COL5A2: variants seen among roughly 807,000 people sequenced by gnomAD.
The protein encoded by COL5A2 is collagen type V alpha 2 chain.
A neutral mutation model predicts 208.2 loss-of-function variants in COL5A2; 23 were observed. The observed-to-expected ratio is 0.11, with a 90% CI of 0.08 to 0.16. The LOEUF is 0.16. Ranked by LOEUF, COL5A2 falls within the 10% of genes least tolerant of loss-of-function variation. COL5A2 has a pLI of 1.00. For synonymous variants in COL5A2, 625 were observed against 628.5 expected (o/e 0.99, Z 0.08); for missense variants, 1,590 against 1,956.4 (o/e 0.81, Z 3.53).
chr2:189,147,091 A>T (rs1009497544), intron 1 of COL5A2, among the ~76,000 whole-genome samples: 1 of 152,196 alleles, frequency 6.6e-6, no homozygotes, highest in African/African-American at 2.4e-5. Flanking sequence ...TTATTGGGGT[A>T]ATACTAAAAG....
chr2:189,420,015 G>A, the COL5A2 span, among the ~76,000 whole-genome samples: 1 of 136,998 alleles, frequency 7.3e-6, no homozygotes, highest in Non-Finnish European at 1.6e-5. Flanking sequence ...AGGAGGAGGA[G>A]ATGAGAGGAG....
the COL5A2 span, among the ~76,000 whole-genome samples, chr2:189,297,221 T>C: frequency 6.6e-6 from 1 of 152,250 alleles, no homozygotes; most frequent in African/African-American, 2.4e-5. Context: ...TACAAGCTAC[T>C]GCACCACTAC....
the COL5A2 span, among the ~76,000 whole-genome samples, chr2:189,270,366 G>C: frequency 6.6e-6 from 1 of 152,008 alleles, no homozygotes; most frequent in African/African-American, 2.4e-5. Flanking sequence ...TCTCTTGTGG[G>C]CTATAAATTA....
the COL5A2 span, among the ~76,000 whole-genome samples, chr2:189,270,013 T>G: frequency 1.3e-5 from 2 of 152,348 alleles, no homozygotes; most frequent in East Asian, 3.9e-4. Context: ...TTTTCTAGTT[T>G]ATTTGCATAG....
intron 3 of COL5A2, among the ~76,000 whole-genome samples, chr2:189,101,881 T>C (rs1318432603): frequency 6.6e-6 from 1 of 152,000 alleles, no homozygotes; most frequent in African/African-American, 2.4e-5. Context: ...ACACAAAGCC[T>C]AGGACAAGAA....
intron 1 of COL5A2, among the ~76,000 whole-genome samples, chr2:189,224,620 C>T (rs1336024276): frequency 6.6e-6 from 1 of 151,814 alleles, no homozygotes; most frequent in Non-Finnish European, 1.5e-5. Flanking sequence ...ACACAAAAGG[C>T]GGAGGTTGAA....
chr2:189,411,746 A>G, the COL5A2 span, among the ~76,000 whole-genome samples: 1 of 152,162 alleles, frequency 6.6e-6, no homozygotes, highest in Non-Finnish European at 1.5e-5. Context: ...GATTTTTTTT[A>G]AAAAGCACAT....
the COL5A2 span, among the ~76,000 whole-genome samples, chr2:189,269,140 T>C: frequency 1.1e-3 from 162 of 152,242 alleles, 1 homozygote; most frequent in African/African-American, 3.8e-3. Flanking sequence ...CATTATGTGA[T>C]TAGAAAACAG....
At chr2:189,071,172 C>T (rs1686265789) in intron 18 of COL5A2, among the ~76,000 whole-genome samples, 1 of 152,194 alleles carries the variant, frequency 6.6e-6, no homozygotes, top group Admixed American at 6.5e-5. Context: ...GATGGTGTCA[C>T]ATAATCCTCA....
At chr2:189,074,256 C>G (rs574392614) in intron 17 of COL5A2, among the ~76,000 whole-genome samples, 8 of 152,026 alleles carry the variant, frequency 5.3e-5, no homozygotes, top group Admixed American at 5.2e-4. Flanking sequence ...GAAAAGAGCT[C>G]AAAAACCCTT....
At position 189,064,558 on chromosome 2, in the gene COL5A2, C is replaced by T. The variant is rs760408439; in HGVS notation, c.1715G>A (p.Arg572Gln). 84 of 1,612,036 alleles carry T rather than the reference C, an allele frequency of 5.2e-5. No individual in the cohort carries two copies. Among genetic ancestry groups the T allele is most frequent in the Non-Finnish European group, 6.7e-5 (79 of 1,178,408 alleles). ...RPGEPGLPGA[R>Q]GLTGNPGVQG... Reference sequence around the variant, plus strand: ...AGCAAACACTTGCTATATTCTTACCCGAGCACCTGGAAGCCCAGGTTCCCC... The same window carrying T: ...AGCAAACACTTGCTATATTCTTACCTGAGCACCTGGAAGCCCAGGTTCCCC... The change falls in exon 25 of 54, where the codon CGG (arginine) becomes CAG (glutamine). Residue 572 changes from arginine to glutamine, a missense_variant and splice_region_variant. By Grantham distance (43) the Arg-to-Gln change is conservative (BLOSUM62 1). Transcript: ENST00000374866.
Position 189,088,771 on chromosome 2 carries a change from G to A in COL5A2, c.569C>T (p.Pro190Leu), listed in dbSNP as rs774969990. The change falls in exon 8 of 54, where the codon CCG becomes CTG. Residue 190 changes from proline (P) to leucine (L), a missense_variant and splice_region_variant. Pro to Leu is a moderately conservative substitution (Grantham distance 98, BLOSUM62 -3). Coordinates refer to ENST00000374866, the MANE Select transcript of COL5A2 (RefSeq NM_000393.5). ...SHPGPDGLSRPFSAQMAGLDE... is the reference protein window; with the variant it reads ...SHPGPDGLSRLFSAQMAGLDE... The stretch of plus-strand genomic sequence containing the variant: ...CAACCCAGCCATTTGAGCTGAAAAC[G>A]GCTGTAAAAGCGATATGTTGACATT... The A allele has an allele frequency of 7.4e-6, 12 of 1,613,452 alleles. No homozygotes were observed. The highest frequency in any genetic ancestry group is 4.5e-5 in the East Asian group (2 of 44,852).
At chr2:189,310,826 G>A in the COL5A2 span, among the ~76,000 whole-genome samples, 1 of 152,062 alleles carries the variant, frequency 6.6e-6, no homozygotes, top group African/African-American at 2.4e-5. Flanking sequence ...ACCAGGCACA[G>A]AAAGACAAAC....
the COL5A2 span, among the ~76,000 whole-genome samples, chr2:189,390,578 A>C: frequency 6.6e-6 from 1 of 152,194 alleles, no homozygotes; most frequent in African/African-American, 2.4e-5. Flanking sequence ...TTAGGTTATG[A>C]GATAAAGGCA....
the COL5A2 span, among the ~76,000 whole-genome samples, chr2:189,392,500 C>T: frequency 2.6e-5 from 4 of 152,212 alleles, no homozygotes; most frequent in Admixed American, 2.0e-4. Flanking sequence ...AAGTAAAGAA[C>T]GTTCCTTTCT....
chr2:189,189,142 A>G (rs1378206769), intron 1 of COL5A2, among the ~76,000 whole-genome samples: 1 of 152,208 alleles, frequency 6.6e-6, no homozygotes, highest in African/African-American at 2.4e-5. Context: ...TGAATGAAAT[A>G]ATTGCACTAG....
chr2:189,337,969 G>A, the COL5A2 span, among the ~76,000 whole-genome samples: 1 of 152,184 alleles, frequency 6.6e-6, no homozygotes, highest in Non-Finnish European at 1.5e-5. Flanking sequence ...AAGCAACTTG[G>A]CTGAAAGATC....
chr2:189,333,395 G>A, the COL5A2 span, among the ~76,000 whole-genome samples: 3 of 152,124 alleles, frequency 2.0e-5, no homozygotes, highest in Non-Finnish European at 4.4e-5. Context: ...AAAGCTTGTA[G>A]ATATTAAAAG....
At chr2:189,146,522 A>G (rs954134078) in intron 1 of COL5A2, among the ~76,000 whole-genome samples, 2 of 152,074 alleles carry the variant, frequency 1.3e-5, no homozygotes, top group South Asian at 4.1e-4. Context: ...AGGTTGTATC[A>G]TGGGTGCCCA....
Sources: gnomAD v4.1 joint callset for allele counts (sites outside exome capture counted in the v4.1 genomes callset) on GRCh38, gnomAD v4.1.1 for gene constraint, MANE v1.5 for transcripts, NCBI Gene and HGNC (gene_info 2026-07-23, HGNC 2026-07-21) for gene names.